The following PTPRD variants were observed in gnomAD, a reference collection of about 807,000 sequenced individuals.
The protein encoded by PTPRD is receptor-type tyrosine-protein phosphatase delta.
Under a neutral mutation model 214.5 loss-of-function variants are expected in PTPRD, and 34 were observed. That is an observed-to-expected ratio of 0.16 (90% CI 0.12 to 0.21). PTPRD has a LOEUF of 0.21. PTPRD is among the 10% of genes least tolerant of loss of function. PTPRD has a pLI of 1.00. For missense variants in PTPRD, 2,545 were observed against 2,398.7 expected (o/e 1.06, Z -1.27); for synonymous variants, 1,128 against 845.7 (o/e 1.33, Z -5.79).
At chr9:10,239,378 C>G (rs1199100436) in intron 3 of PTPRD, among the ~76,000 whole-genome samples, 2 of 151,890 alleles carry the variant, frequency 1.3e-5, no homozygotes, top group African/African-American at 4.8e-5. Flanking sequence ...CATATGATTA[C>G]TTCATTAGGT....
intron 7 of PTPRD, among the ~76,000 whole-genome samples, chr9:9,604,171 T>G (rs55647024): frequency 0.027 from 4,106 of 152,114 alleles, 169 homozygotes; most frequent in African/African-American, 0.093. Context: ...AAGCCACTGA[T>G]TAAACTGTCT....
chr9:9,606,343 T>C (rs963856150), intron 7 of PTPRD, among the ~76,000 whole-genome samples: 1 of 152,084 alleles, frequency 6.6e-6, no homozygotes, highest in African/African-American at 2.4e-5. Context: ...TCATTATAAT[T>C]AGCTTGGTCT....
At chr9:9,210,952 C>A (rs535055369) in intron 9 of PTPRD, among the ~76,000 whole-genome samples, 1 of 149,276 alleles carries the variant, frequency 6.7e-6, no homozygotes, top group East Asian at 2.0e-4. Flanking sequence ...TTTTATTTTT[C>A]TGAAATTTCT....
At chr9:10,336,160 T>C (rs960384580) in intron 3 of PTPRD, among the ~76,000 whole-genome samples, 2 of 151,832 alleles carry the variant, frequency 1.3e-5, no homozygotes, top group Non-Finnish European at 2.9e-5. Flanking sequence ...AGCAGCTTTA[T>C]TGATATGGTA....
intron 7 of PTPRD, among the ~76,000 whole-genome samples, chr9:9,672,314 A>G (rs1242043432): frequency 6.6e-6 from 1 of 152,138 alleles, no homozygotes; most frequent in Non-Finnish European, 1.5e-5. Flanking sequence ...GATGGGCAAA[A>G]AATAAAAATA....
chr9:10,062,435 G>A (rs918391412), intron 3 of PTPRD, among the ~76,000 whole-genome samples: 3 of 151,834 alleles, frequency 2.0e-5, no homozygotes, highest in African/African-American at 7.3e-5. Context: ...GTGAAACCCC[G>A]TCTCTACTAA....
intron 5 of PTPRD, among the ~76,000 whole-genome samples, chr9:9,932,235 T>G (rs62536890): frequency 0.038 from 5,678 of 151,140 alleles, 162 homozygotes; most frequent in East Asian, 0.18. Context: ...GAGAATAACT[T>G]TGACGAGCTG....
chr9:10,482,346 G>A (rs1189623094), intron 2 of PTPRD, among the ~76,000 whole-genome samples: 1 of 151,878 alleles, frequency 6.6e-6, no homozygotes, highest in Admixed American at 6.6e-5. Context: ...ACTCCAGCCT[G>A]GGCGACAGAG....
At chr9:10,416,756 A>C (rs2154514054) in intron 2 of PTPRD, among the ~76,000 whole-genome samples, 1 of 151,968 alleles carries the variant, frequency 6.6e-6, no homozygotes, top group African/African-American at 2.4e-5. Context: ...ATGTCAAGAT[A>C]TTTATAAGTT....
At chr9:10,484,561 C>G (rs1036815358) in intron 2 of PTPRD, among the ~76,000 whole-genome samples, 1 of 151,968 alleles carries the variant, frequency 6.6e-6, no homozygotes, top group Non-Finnish European at 1.5e-5. Flanking sequence ...TATTGCCTGT[C>G]TTTTGGATAA....
At chr9:9,029,486 G>C (rs949020122) in intron 10 of PTPRD, among the ~76,000 whole-genome samples, 3 of 104,856 alleles carry the variant, frequency 2.9e-5, no homozygotes, top group Non-Finnish European at 3.9e-5. Context: ...TTTGTGCCTA[G>C]CTACTTGCAC....
chr9:8,604,570 T>C (rs1181398118), intron 14 of PTPRD, among the ~76,000 whole-genome samples: 1 of 152,152 alleles, frequency 6.6e-6, no homozygotes, highest in African/African-American at 2.4e-5. Context: ...TGGGGAATGA[T>C]ACCAAAGTGG....
chr9:9,626,519 T>G (rs995502469), intron 7 of PTPRD, among the ~76,000 whole-genome samples: 8 of 152,090 alleles, frequency 5.3e-5, no homozygotes, highest in Admixed American at 5.2e-4. Context: ...CACTTTTAGT[T>G]GAATGATTTG....
At chr9:8,488,507 T>G (rs560452707) in intron 27 of PTPRD, among the ~76,000 whole-genome samples, 1 of 152,306 alleles carries the variant, frequency 6.6e-6, no homozygotes, top group Non-Finnish European at 1.5e-5. Context: ...GTGTTGAAGG[T>G]AGGCCCAGGA....
chr9:10,039,140 G>A (rs2097250336), intron 3 of PTPRD, among the ~76,000 whole-genome samples: 1 of 151,902 alleles, frequency 6.6e-6, no homozygotes, highest in African/African-American at 2.4e-5. Flanking sequence ...ATTTCCTATA[G>A]AATTAAATTC....
At chr9:8,335,124 G>C (rs989867861) in intron 43 of PTPRD, among the ~76,000 whole-genome samples, 2 of 146,958 alleles carry the variant, frequency 1.4e-5, no homozygotes, top group African/African-American at 4.9e-5. Context: ...TACAAAAAGA[G>C]GGACTCCTTC....
At chr9:9,695,876 T>C (rs996226155) in intron 7 of PTPRD, among the ~76,000 whole-genome samples, 1 of 152,194 alleles carries the variant, frequency 6.6e-6, no homozygotes, top group Non-Finnish European at 1.5e-5. Context: ...TATAGCATCC[T>C]TGTCTGGGTT....
At position 9,787,551 on chromosome 9, in the gene PTPRD, G is replaced by A. The variant is rs12682889; in HGVS notation, c.-367-20700C>T. ...AAATACATCATTTCATAAAGCAAAGGAAGGGTAAAATAAGATTTCAGAAAA... is the reference window on the plus strand; with the variant it reads ...AAATACATCATTTCATAAAGCAAAGAAAGGGTAAAATAAGATTTCAGAAAA... On this transcript the variant is annotated intron_variant, in intron 5 of 45. Coordinates refer to ENST00000381196, the MANE Select transcript of PTPRD (RefSeq NM_002839.4). Among the ~76,000 whole-genome samples, 902 of 151,854 alleles carry A rather than the reference G, an allele frequency of 5.9e-3. 61 individuals carry two copies. The East Asian group carries it at 0.14, about 24-fold the overall frequency.
At chr9:9,358,759 T>G (rs993671611) in intron 9 of PTPRD, among the ~76,000 whole-genome samples, 1 of 151,342 alleles carries the variant, frequency 6.6e-6, no homozygotes, top group African/African-American at 2.4e-5. Context: ...ATTCAGTCTT[T>G]GTGATTAATC....
Sources: gnomAD v4.1 joint callset for allele counts (sites outside exome capture counted in the v4.1 genomes callset) on GRCh38, gnomAD v4.1.1 for gene constraint, MANE v1.5 for transcripts, NCBI Gene and HGNC (gene_info 2026-07-23, HGNC 2026-07-21) for gene names.